Variants in ZEB2 observed in about 807,000 individuals in gnomAD.
ZEB2 encodes the protein zinc finger E-box binding homeobox 2.
A neutral mutation model predicts 99.9 loss-of-function variants in ZEB2; 6 were observed. The observed-to-expected ratio is 0.06, with a 90% CI of 0.03 to 0.12. The LOEUF (loss-of-function observed/expected upper bound fraction) is 0.12. Ranked by LOEUF, ZEB2 falls within the 10% of genes least tolerant of loss-of-function variation. ZEB2 has a pLI of 1.00. For synonymous variants in ZEB2, 517 were observed against 542.5 expected (o/e 0.95, Z 0.65); for missense variants, 969 against 1,502.8 (o/e 0.64, Z 5.87).
chr2:144,497,849 TTCTC>T, intron 2 of ZEB2: 1 of 2,864 alleles, frequency 3.5e-4, no homozygotes. Flanking sequence ...ATATATGTCA[TTCTC>T]AACATATATA....
chr2:144,456,807 A>G (rs1339453067), intron 2 of ZEB2, among the ~76,000 whole-genome samples: 1 of 152,058 alleles, frequency 6.6e-6, no homozygotes, highest in Admixed American at 6.6e-5. Flanking sequence ...CAATCAGATG[A>G]CACTGAGACT....
chr2:144,410,118 C>A (rs563240751), intron 4 of ZEB2, among the ~76,000 whole-genome samples: 60 of 152,136 alleles, frequency 3.9e-4, no homozygotes, highest in African/African-American at 1.4e-3. Flanking sequence ...TCACCGTTAG[C>A]CAGGATGGTC....
Position 144,398,754 on chromosome 2 carries a change from G to T in ZEB2, c.2433C>A (p.Leu811=). 6.2e-7 allele frequency: 1 copy of T among 1,614,130 alleles called. No individual in the cohort carries two copies. The highest frequency in any genetic ancestry group is 8.5e-7 in the Non-Finnish European group (1 of 1,180,016). Residue 811 remains leucine (L), a synonymous_variant, in exon 8 of 10, where the codon CTC becomes CTA. Transcript: ENST00000627532. ...ATGACAAGTCTAAAGGCTCAGCCTGGAGCTCCTCAGAAGAGAAGCTGTTTG... is the reference window on the plus strand; with the variant it reads ...ATGACAAGTCTAAAGGCTCAGCCTGTAGCTCCTCAGAAGAGAAGCTGTTTG... The part of the protein sequence containing the change: ...YTPNSFSSEE[L]QAEPLDLSLP...
At chr2:144,445,265 C>CTTTTTTTTT (rs11287771) in intron 2 of ZEB2, among the ~76,000 whole-genome samples, 1 of 74,190 alleles carries the variant, frequency 1.3e-5, no homozygotes, top group African/African-American at 4.8e-5. Context: ...CTTTCCTCCT[C>CTTTTTTTTT]TTTTTTTTTT....
At chr2:144,424,255 C>G (rs1324434569) in intron 4 of ZEB2, 1 of 422,692 alleles carries the variant, frequency 2.4e-6, no homozygotes, top group African/African-American at 2.1e-5. Flanking sequence ...TTCTCTAAAA[C>G]TGCCTGGAAA....
intron 2 of ZEB2, among the ~76,000 whole-genome samples, chr2:144,437,496 C>T (rs1035398390): frequency 6.6e-6 from 1 of 152,098 alleles, no homozygotes; most frequent in East Asian, 1.9e-4. Context: ...TCTATACAAA[C>T]CATCAGAAGG....
At chr2:144,507,691 T>C (rs1445680764) in intron 2 of ZEB2, among the ~76,000 whole-genome samples, 2 of 152,200 alleles carry the variant, frequency 1.3e-5, no homozygotes, top group Non-Finnish European at 2.9e-5. Context: ...TCAGCTCTCA[T>C]AGTTTCTTGG....
chr2:144,505,336 T>C (rs1427788160), intron 2 of ZEB2, among the ~76,000 whole-genome samples: 2 of 152,144 alleles, frequency 1.3e-5, no homozygotes, highest in Non-Finnish European at 2.9e-5. Flanking sequence ...GGAAAGCAAG[T>C]GGTTTTCAAG....
chr2:144,422,726 G>A (rs1252662676), intron 4 of ZEB2, among the ~76,000 whole-genome samples: 1 of 152,156 alleles, frequency 6.6e-6, no homozygotes, highest in Admixed American at 6.5e-5. Flanking sequence ...CTTGAACCTG[G>A]GAGGGAGAGG....
intron 2 of ZEB2, among the ~76,000 whole-genome samples, chr2:144,433,686 C>T (rs554992099): frequency 3.1e-4 from 47 of 152,304 alleles, no homozygotes; most frequent in Non-Finnish European, 6.0e-4. Context: ...CACCAGATTA[C>T]ATTATATTAA....
chr2:144,458,341 G>A (rs563847391), intron 2 of ZEB2, among the ~76,000 whole-genome samples: 43 of 152,074 alleles, frequency 2.8e-4, no homozygotes, highest in African/African-American at 5.1e-4. Context: ...AAATTGAATC[G>A]GAAATGCCCC....
chr2:144,504,999 G>A (rs527818235), intron 2 of ZEB2, among the ~76,000 whole-genome samples: 2 of 151,958 alleles, frequency 1.3e-5, no homozygotes, highest in East Asian at 3.9e-4. Flanking sequence ...TTTAAAATAC[G>A]AGCAGGGAAA....
intron 9 of ZEB2, 60 bp from the exon 10 acceptor site, chr2:144,390,088 T>G: frequency 6.4e-7 from 1 of 1,562,104 alleles, no homozygotes; most frequent in Non-Finnish European, 8.7e-7. Flanking sequence ...CTCTTTCCAC[T>G]AATTCTGTAC....
chr2:144,461,267 A>G (rs1704190462), intron 2 of ZEB2: 1 of 152,130 alleles, frequency 6.6e-6, no homozygotes, highest in African/African-American at 2.4e-5. Flanking sequence ...CATTAAGCGC[A>G]TGTTCTAACA....
At chr2:144,420,578 T>G (rs1703606322) in intron 4 of ZEB2, among the ~76,000 whole-genome samples, 1 of 152,166 alleles carries the variant, frequency 6.6e-6, no homozygotes, top group African/African-American at 2.4e-5. Context: ...TGAAACATGC[T>G]GAAGTTAGCC....
At chr2:144,512,364 G>A (rs952835511) in intron 2 of ZEB2, 5 of 1,287,044 alleles carry the variant, frequency 3.9e-6, no homozygotes, top group African/African-American at 3.0e-5. Flanking sequence ...GAATAAACGC[G>A]GCACTGCTAG....
At position 144,399,664 on chromosome 2, in the gene ZEB2, A is replaced by T. The variant is rs1460802107; in HGVS notation, c.1523T>A (p.Ile508Asn). 1 of 1,614,126 alleles carries T rather than the reference A, an allele frequency of 6.2e-7. No homozygotes were observed. The highest frequency in any genetic ancestry group is 8.5e-7 in the Non-Finnish European group (1 of 1,180,052). Reference protein sequence around the residue: ...PEEQGVTSPNIPPVGLPVVSH... With the variant: ...PEEQGVTSPNNPPVGLPVVSH... ...CACTACCGGAAGACCGACAGGCGGA[A>T]TATTAGGAGAAGTAACTCCTTGTTC... Residue 508 changes from isoleucine to asparagine, a missense_variant, in exon 8 of 10, where the codon ATT becomes AAT. By Grantham distance (149) the Ile-to-Asn change is moderately radical. This residue lies in a region of ZEB2 where 227 missense variants were observed against 278.2 expected (regional missense o/e 0.82). Coordinates refer to ENST00000627532, the MANE Select transcript of ZEB2 (RefSeq NM_014795.4). The surrounding 1 kb of genome is among the most constrained non-coding windows in gnomAD (Gnocchi z 5.6).
intron 2 of ZEB2, chr2:144,511,888 G>T: frequency 7.8e-7 from 1 of 1,286,998 alleles, no homozygotes; most frequent in Non-Finnish European, 1.0e-6. Context: ...TCACATCTTG[G>T]CTAAAAAGCA....
intron 2 of ZEB2, among the ~76,000 whole-genome samples, chr2:144,431,903 A>C (rs1166248046): frequency 6.6e-6 from 1 of 151,646 alleles, no homozygotes; most frequent in African/African-American, 2.4e-5. Flanking sequence ...CACCTCCTAA[A>C]AACTGATCTC....
Sources: gnomAD v4.1 joint callset for allele counts (sites outside exome capture counted in the v4.1 genomes callset) on GRCh38, gnomAD v4.1.1 for gene constraint, gnomAD v4.1.1 regional missense constraint, Gnocchi (gnomAD v3.1) non-coding constraint, MANE v1.5 for transcripts, NCBI Gene and HGNC (gene_info 2026-07-23, HGNC 2026-07-21) for gene names.